Variants in FLI1 observed in about 807,000 individuals in gnomAD.
FLI1 encodes Friend leukemia integration 1 transcription factor.
In FLI1, 13 loss-of-function variants were observed where a neutral mutation model predicts 53.1. The ratio of observed to expected loss-of-function variants is 0.24; its 90% CI spans 0.16 to 0.39. The LOEUF is 0.39. Among genes scored for constraint, FLI1 ranks in the 10% least tolerant of loss-of-function variants. FLI1 has a pLI of 1.00. For synonymous variants in FLI1, 244 were observed against 236.7 expected (o/e 1.03, Z -0.28); for missense variants, 424 against 600.5 (o/e 0.71, Z 3.07).
upstream of FLI1, among the ~76,000 whole-genome samples, chr11:128,691,276 C>A (rs1228602710): frequency 6.6e-6 from 1 of 152,210 alleles, no homozygotes; most frequent in Non-Finnish European, 1.5e-5. Flanking sequence ...GGTTAGGGCG[C>A]TTCCCCCATC....
At chr11:128,758,396 T>A in intron 2 of FLI1, 70 bp downstream of exon 2, 1 of 1,350,626 alleles carries the variant, frequency 7.4e-7, no homozygotes, top group Non-Finnish European at 1.0e-6. Context: ...AAGTGGCTTC[T>A]GGCACTTAAG....
At chr11:128,695,373 T>C (rs1938019743) in intron 1 of FLI1, among the ~76,000 whole-genome samples, 1 of 152,160 alleles carries the variant, frequency 6.6e-6, no homozygotes, top group African/African-American at 2.4e-5. Context: ...GCTTCGAGGC[T>C]GCCGCGCAAC....
intron 5 of FLI1, 78 bp downstream of exon 5, chr11:128,782,101 C>A: frequency 1.6e-6 from 2 of 1,274,962 alleles, no homozygotes; most frequent in Non-Finnish European, 1.1e-6. Context: ...AAGGTTGTTG[C>A]AGAAAACCAG....
intron 1 of FLI1, among the ~76,000 whole-genome samples, chr11:128,757,232 C>T (rs534978641): frequency 6.6e-6 from 1 of 152,236 alleles, no homozygotes; most frequent in East Asian, 1.9e-4. Flanking sequence ...CAGGCATGAG[C>T]CACCATGCCT....
chr11:128,784,914 G>A (rs1460033637), intron 5 of FLI1, among the ~76,000 whole-genome samples: 2 of 152,186 alleles, frequency 1.3e-5, no homozygotes, highest in Non-Finnish European at 2.9e-5. Context: ...GTCCACAAAG[G>A]GCAGGTGCTG....
At position 128,810,718 on chromosome 11, in the gene FLI1, C is replaced by T. The variant is rs556748974; in HGVS notation, c.1089C>T (p.His363=). The change falls in exon 9 of 9, where the codon CAC becomes CAT. Residue 363 remains histidine, a synonymous_variant. Coordinates refer to ENST00000527786, the MANE Select transcript of FLI1 (RefSeq NM_002017.5). The surrounding 1 kb of genome is among the most constrained non-coding windows in gnomAD (Gnocchi z 6.6). ...GATATGCTTACAAATTTGACTTCCA[C>T]GGCATTGCCCAGGCTCTGCAGCCAC... ...GKRYAYKFDF[H]GIAQALQPHP... The T allele has an allele frequency of 4.0e-5, 64 of 1,614,056 alleles. 2 individuals carry two copies. In the African/African-American group the frequency reaches 4.3e-4, roughly 11 times the overall value.
intron 2 of FLI1, 46 bp from the exon 3 acceptor site, chr11:128,768,072 C>A: frequency 6.5e-7 from 1 of 1,537,000 alleles, no homozygotes; most frequent in South Asian, 1.2e-5. Context: ...GGCAAGCTGC[C>A]CTGTCAGTGC....
intron 1 of FLI1, among the ~76,000 whole-genome samples, chr11:128,722,490 A>G (rs1047529375): frequency 6.6e-6 from 1 of 152,140 alleles, no homozygotes; most frequent in African/African-American, 2.4e-5. Flanking sequence ...AGTGCCAGCA[A>G]ACACTGCAGG....
chr11:128,713,611 C>T (rs1472663746), intron 1 of FLI1, among the ~76,000 whole-genome samples: 2 of 142,866 alleles, frequency 1.4e-5, no homozygotes, highest in Non-Finnish European at 3.0e-5. Context: ...AGGTAATAGT[C>T]AAGGCAAAAA....
At chr11:128,769,700 A>G (rs1941482456) in intron 3 of FLI1, among the ~76,000 whole-genome samples, 1 of 152,194 alleles carries the variant, frequency 6.6e-6, no homozygotes, top group South Asian at 2.1e-4. Context: ...CTCTTCCACA[A>G]GCATCTGACC....
At chr11:128,705,823 G>A (rs1248756980) in intron 1 of FLI1, among the ~76,000 whole-genome samples, 2 of 152,112 alleles carry the variant, frequency 1.3e-5, no homozygotes, top group Non-Finnish European at 2.9e-5. Context: ...ATCCTTGGGA[G>A]CAAACACAAT....
chr11:128,750,237 C>T (rs590520), intron 1 of FLI1, among the ~76,000 whole-genome samples: 47,932 of 152,066 alleles, frequency 0.32, 7,905 homozygotes, highest in Admixed American at 0.42. Context: ...TTGCTTTTGA[C>T]ATTCCTTTCA....
intron 5 of FLI1, among the ~76,000 whole-genome samples, chr11:128,785,196 G>C (rs1327269114): frequency 1.3e-5 from 2 of 151,854 alleles, no homozygotes; most frequent in Non-Finnish European, 2.9e-5. Context: ...TCTACCTTTA[G>C]TTTATCAAGG....
At chr11:128,778,838 C>T (rs1485017400) in intron 4 of FLI1, among the ~76,000 whole-genome samples, 1 of 152,186 alleles carries the variant, frequency 6.6e-6, no homozygotes, top group Non-Finnish European at 1.5e-5. Flanking sequence ...AGAGGGAGGC[C>T]AGACTCCAGG....
chr11:128,764,185 T>C (rs1032103490), intron 2 of FLI1, among the ~76,000 whole-genome samples: 2 of 152,196 alleles, frequency 1.3e-5, no homozygotes, highest in Non-Finnish European at 2.9e-5. Flanking sequence ...AAAGAGGTAA[T>C]CTTCAGGAGA....
intron 5 of FLI1, among the ~76,000 whole-genome samples, chr11:128,795,340 C>G (rs1009454842): frequency 1.3e-5 from 2 of 152,134 alleles, no homozygotes; most frequent in Admixed American, 1.3e-4. Context: ...ACCTTGTGGT[C>G]TTTAATTGTG....
chr11:128,742,632 C>A (rs1167894213), intron 1 of FLI1, among the ~76,000 whole-genome samples: 1 of 152,204 alleles, frequency 6.6e-6, no homozygotes, highest in Admixed American at 6.5e-5. Flanking sequence ...TCCTCAATAG[C>A]CTCACAAGGC....
At chr11:128,742,111 T>A (rs1312547875) in intron 1 of FLI1, among the ~76,000 whole-genome samples, 1 of 152,170 alleles carries the variant, frequency 6.6e-6, no homozygotes, top group African/African-American at 2.4e-5. Context: ...ACACAGCAGG[T>A]TTGCCGCAGC....
Position 128,752,044 on chromosome 11 carries a change from C to G in FLI1, c.19-6071C>G, listed in dbSNP as rs1045572623. Among the ~76,000 whole-genome samples, 13 of 152,038 alleles carry G rather than the reference C, an allele frequency of 8.6e-5. No homozygotes were observed. In the South Asian group the frequency reaches 2.3e-3, roughly 27 times the overall value. ...AAGCCAGAGTGCTGTGCCGCTACAT[C>G]GGCTCACAGCAAGCTCCGCCTCCTG... On this transcript the variant is annotated intron_variant, in intron 1 of 8. Transcript: ENST00000527786.
Sources: gnomAD v4.1 joint callset for allele counts (sites outside exome capture counted in the v4.1 genomes callset) on GRCh38, gnomAD v4.1.1 for gene constraint, Gnocchi (gnomAD v3.1) non-coding constraint, MANE v1.5 for transcripts, NCBI Gene and HGNC (gene_info 2026-07-23, HGNC 2026-07-21) for gene names.